Variants in MYO18B observed in about 807,000 individuals in gnomAD.
MYO18B encodes the protein myosin XVIIIB.
In MYO18B, 204 loss-of-function variants were observed where a neutral mutation model predicts 273.0. The observed-to-expected ratio is 0.75, with a 90% CI of 0.67 to 0.84. The LOEUF (loss-of-function observed/expected upper bound fraction) is 0.84. MYO18B is among the 40% of genes least tolerant of loss of function. The pLI, the probability that MYO18B is intolerant of heterozygous loss-of-function variation, is 0.00. For synonymous variants in MYO18B, 1,330 were observed against 1,305.7 expected (o/e 1.02, Z -0.40); for missense variants, 3,212 against 3,287.6 (o/e 0.98, Z 0.56).
chr22:25,919,301 T>C (rs567168050), intron 33 of MYO18B, among the ~76,000 whole-genome samples: 2 of 152,340 alleles, frequency 1.3e-5, no homozygotes, highest in South Asian at 4.1e-4. Context: ...TGTTATATTT[T>C]ACTAAAATTA....
At chr22:26,058,763 T>C in the MYO18B span, among the ~76,000 whole-genome samples, 3 of 152,188 alleles carry the variant, frequency 2.0e-5, no homozygotes, top group Admixed American at 1.3e-4. Flanking sequence ...CACCTTTGTC[T>C]TCCATCATGA....
the MYO18B span, among the ~76,000 whole-genome samples, chr22:26,043,987 T>C: frequency 6.6e-6 from 1 of 152,222 alleles, no homozygotes; most frequent in Non-Finnish European, 1.5e-5. Context: ...TCCACATGCT[T>C]AGCCTCATTT....
intron 34 of MYO18B, 106 bp downstream of exon 34, chr22:25,921,515 C>G: frequency 7.4e-7 from 1 of 1,357,074 alleles, no homozygotes. Flanking sequence ...TGCCAACCTC[C>G]AACTTTCACA....
intron 12 of MYO18B, among the ~76,000 whole-genome samples, chr22:25,810,897 C>A (rs150983147): frequency 6.6e-6 from 1 of 152,156 alleles, no homozygotes; most frequent in South Asian, 2.1e-4. Context: ...CATCTATACT[C>A]TTTCTGTTGT....
intron 40 of MYO18B, among the ~76,000 whole-genome samples, chr22:25,996,545 G>T (rs932360319): frequency 2.0e-5 from 3 of 152,080 alleles, no homozygotes; most frequent in African/African-American, 7.2e-5. Context: ...TATCAAACCT[G>T]CATTCTGATG....
intron 21 of MYO18B, among the ~76,000 whole-genome samples, chr22:25,852,786 G>T (rs2090461728): frequency 6.6e-6 from 1 of 152,182 alleles, no homozygotes; most frequent in Non-Finnish European, 1.5e-5. Context: ...ATAAAGGGAG[G>T]TACTTCAAAC....
At chr22:26,042,389 A>AT in the MYO18B span, among the ~76,000 whole-genome samples, 1 of 152,184 alleles carries the variant, frequency 6.6e-6, no homozygotes, top group Non-Finnish European at 1.5e-5. Context: ...CTCTAGACCC[A>AT]TCCCCCGGCC....
At chr22:26,010,463 CT>C (rs1453025742) in intron 42 of MYO18B, among the ~76,000 whole-genome samples, 3 of 151,008 alleles carry the variant, frequency 2.0e-5, no homozygotes, top group African/African-American at 2.4e-5. Flanking sequence ...GATCTGTTTT[CT>C]AATACAACCT....
At chr22:25,833,044 A>C in intron 16 of MYO18B, 47 bp downstream of exon 16, 1 of 1,538,916 alleles carries the variant, frequency 6.5e-7, no homozygotes, top group Non-Finnish European at 9.0e-7. Flanking sequence ...CCAGTTGGCC[A>C]TATTGAAATG....
At chr22:26,009,587 C>G (rs1934718745) in intron 42 of MYO18B, among the ~76,000 whole-genome samples, 1 of 152,206 alleles carries the variant, frequency 6.6e-6, no homozygotes, top group African/African-American at 2.4e-5. Context: ...ACTGTGTCAG[C>G]AGCTTCCAGA....
At chr22:26,002,155 G>T (rs1234258580) in intron 40 of MYO18B, among the ~76,000 whole-genome samples, 2 of 152,098 alleles carry the variant, frequency 1.3e-5, no homozygotes, top group Admixed American at 6.5e-5. Flanking sequence ...CTTTAAAAGG[G>T]CTAGATAGTA....
At chr22:25,887,548 T>C (rs1208378945) in intron 25 of MYO18B, among the ~76,000 whole-genome samples, 1 of 152,008 alleles carries the variant, frequency 6.6e-6, no homozygotes. Flanking sequence ...AGATAATTTC[T>C]GGTTAATTGG....
chr22:25,799,031 G>A (rs944791805), intron 12 of MYO18B, among the ~76,000 whole-genome samples: 5 of 151,738 alleles, frequency 3.3e-5, no homozygotes, highest in South Asian at 2.1e-4. Flanking sequence ...TACCCTCTCC[G>A]TATCCAATCA....
At chr22:25,941,977 A>G (rs1438834114) in intron 34 of MYO18B, among the ~76,000 whole-genome samples, 1 of 152,244 alleles carries the variant, frequency 6.6e-6, no homozygotes, top group Non-Finnish European at 1.5e-5. Context: ...AATGGAGTTA[A>G]AAATTCCCAC....
chr22:25,813,287 C>T (rs545354730), intron 12 of MYO18B, among the ~76,000 whole-genome samples: 5 of 151,462 alleles, frequency 3.3e-5, no homozygotes, highest in Non-Finnish European at 2.9e-5. Flanking sequence ...TGGGTTCAAG[C>T]GATTCTCCTG....
chr22:25,812,219 A>G (rs1034301145), intron 12 of MYO18B, among the ~76,000 whole-genome samples: 3 of 152,158 alleles, frequency 2.0e-5, no homozygotes, highest in Non-Finnish European at 4.4e-5. Context: ...GCCTGTCTGC[A>G]TCTCTGGGCT....
chr22:25,833,189 A>G (rs914524260), intron 16 of MYO18B, among the ~76,000 whole-genome samples, 192 bp downstream of exon 16: 1 of 152,172 alleles, frequency 6.6e-6, no homozygotes, highest in African/African-American at 2.4e-5. Flanking sequence ...GTATGGCCTG[A>G]ACAGTGGAAA....
chr22:26,058,651 CTCAT>C, the MYO18B span, among the ~76,000 whole-genome samples: 2 of 152,166 alleles, frequency 1.3e-5, no homozygotes, highest in Non-Finnish European at 2.9e-5. Context: ...TGAGTTCTCA[CTCAT>C]TACTTCCTGC....
chr22:25,908,435 A>G lies in MYO18B; in HGVS notation c.5259+3A>G, dbSNP rs780108646. 68 of 1,576,774 alleles carry G rather than the reference A, an allele frequency of 4.3e-5. No homozygotes were observed. In the Middle Eastern group the frequency reaches 1.2e-3, roughly 27 times the overall value. On this transcript the variant is annotated splice_donor_region_variant and intron_variant, in intron 32 of 43. Coordinates refer to ENST00000335473, the MANE Select transcript of MYO18B (RefSeq NM_032608.7). ...TCCGTCAGTCCTGCCAGAAGCGGGT[A>G]CGTGAGCAGTGAACACAGCTGTGCC... is the stretch of plus-strand genomic sequence containing the variant.
Sources: allele counts gnomAD v4.1 joint callset (sites outside exome capture counted in the v4.1 genomes callset), GRCh38; gene constraint gnomAD v4.1.1; transcripts MANE v1.5; gene names NCBI Gene and HGNC (gene_info 2026-07-23, HGNC 2026-07-21).